The following GET1 variants were observed in gnomAD, a reference collection of about 807,000 sequenced individuals.
GET1 encodes guided entry of tail-anchored proteins factor 1, also known as congenital heart disease 5 protein.
In GET1, 20 loss-of-function variants were observed where a neutral mutation model predicts 22.6. The ratio of observed to expected loss-of-function variants is 0.89; its 90% confidence interval spans 0.62 to 1.29. The LOEUF (loss-of-function observed/expected upper bound fraction) is 1.29. Ranked by LOEUF, GET1 falls within the 50% of genes most tolerant of loss-of-function variation. The probability of loss-of-function intolerance (pLI) is 0.00; values close to 1 mark genes in which losing one functional copy is unlikely to be tolerated. For missense variants in GET1, 209 were observed against 219.9 expected (o/e 0.95, Z 0.31); for synonymous variants, 92 against 83.8 (o/e 1.10, Z -0.53).
chr21:39,406,549 T>G (rs2039088733), exon 5 of GET1: 4 of 1,611,380 alleles, frequency 2.5e-6, no homozygotes, highest in Non-Finnish European at 3.4e-6. Flanking sequence ...TTTTTTGTCT[T>G]TTTGTCTTCC....
In GET1 at chr21:39,393,213, G is replaced by A. The variant is rs1422806079; in HGVS notation, c.384G>A (p.Val128=). Reference sequence around the variant, plus strand: ...TTTGGAAGTATTATTCTGTCCCTGTGGCTGTCGTGCCGAGTAAATGGATAA... The same window carrying A: ...TTTGGAAGTATTATTCTGTCCCTGTAGCTGTCGTGCCGAGTAAATGGATAA... ...SLIWKYYSVP[V]AVVPSKWITP... The change falls in exon 4 of 5, where the codon GTG becomes GTA. Residue 128 remains valine (V), a synonymous_variant. Transcript: ENST00000649170. The A allele has an allele frequency of 1.9e-6, 3 of 1,614,102 alleles. No individual in the cohort carries two copies. In the Admixed American group the frequency reaches 5.0e-5, roughly 27 times the overall value.
chr21:39,416,061 A>G (rs2041095747), intron 1 of GET1, among the ~76,000 whole-genome samples: 2 of 152,356 alleles, frequency 1.3e-5, no homozygotes, highest in East Asian at 3.9e-4. Flanking sequence ...AATAGTGACA[A>G]TTCTAATCCT....
At chr21:39,428,462 A>G (rs751731732) in exon 2 of GET1, 5 of 1,608,656 alleles carry the variant, frequency 3.1e-6, no homozygotes, top group African/African-American at 1.3e-5. Flanking sequence ...ATGCTCATCT[A>G]TATTTGTTTT....
chr21:39,381,442 T>C (rs2037550066), intron 1 of GET1, among the ~76,000 whole-genome samples: 1 of 152,214 alleles, frequency 6.6e-6, no homozygotes, highest in South Asian at 2.1e-4. Flanking sequence ...CCAGTATTCA[T>C]TGAGTGCCTG....
downstream of GET1, among the ~76,000 whole-genome samples, chr21:39,401,621 GT>G (rs539372975): frequency 2.0e-3 from 307 of 152,140 alleles, 1 homozygote; most frequent in South Asian, 6.4e-3. Context: ...AGACATGTCT[GT>G]TTTTTTGCGC....
At chr21:39,384,055 T>C (rs1437241610) in intron 1 of GET1, among the ~76,000 whole-genome samples, 1 of 151,298 alleles carries the variant, frequency 6.6e-6, no homozygotes, top group African/African-American at 2.4e-5. Flanking sequence ...TTTTTTTTTG[T>C]AATACTAACC....
chr21:39,408,192 A>G (rs969835428), downstream of GET1, among the ~76,000 whole-genome samples: 21 of 152,366 alleles, frequency 1.4e-4, no homozygotes, highest in African/African-American at 4.8e-4. Context: ...CACATCTTCA[A>G]AATTCCAAAG....
chr21:39,405,322 T>C (rs2038985121), intron 4 of GET1, among the ~76,000 whole-genome samples: 1 of 152,006 alleles, frequency 6.6e-6, no homozygotes, highest in African/African-American at 2.4e-5. Context: ...GCCTCCCAAG[T>C]AGCTGGGACT....
chr21:39,385,847 G>A (rs987685456), intron 1 of GET1, among the ~76,000 whole-genome samples: 14 of 152,134 alleles, frequency 9.2e-5, no homozygotes, highest in African/African-American at 3.1e-4. Context: ...CACGCATACC[G>A]CACACACTGC....
At chr21:39,411,816 CAA>C (rs2040129710) in intron 1 of GET1, 1 of 1,490,250 alleles carries the variant, frequency 6.7e-7, no homozygotes, top group Admixed American at 2.0e-5. Context: ...AAAAGAACCA[CAA>C]AACCAATTTT....
chr21:39,422,815 C>T, intron 1 of GET1: 3 of 683,562 alleles, frequency 4.4e-6, no homozygotes, highest in Non-Finnish European at 7.4e-6. Context: ...AAACCACTCC[C>T]TTTCTGTGCC....
At chr21:39,409,926 AT>A (rs1472411326), downstream of GET1, 10 of 1,040,932 alleles carry the variant, frequency 9.6e-6, no homozygotes, top group African/African-American at 1.6e-5. The surrounding 1 kb of genome is among the most constrained non-coding windows in gnomAD (Gnocchi z 4.2). Flanking sequence ...ACATATAGTA[AT>A]TCACAATTTT....
exon 5 of GET1, chr21:39,406,544 T>G (rs2039087753): frequency 6.2e-7 from 1 of 1,611,336 alleles, no homozygotes; most frequent in Admixed American, 1.7e-5. Context: ...TCTTCTTTTT[T>G]GTCTTTTTGT....
intron 1 of GET1, chr21:39,423,555 G>C (rs2074098134): frequency 7.3e-7 from 1 of 1,376,940 alleles, no homozygotes; most frequent in African/African-American, 1.4e-5. Context: ...ATGCACATAT[G>C]CATAATCTCT....
intron 1 of GET1, among the ~76,000 whole-genome samples, chr21:39,414,734 C>CTGTGTGTGTGTGTGTGTGTGTGTGTG (rs1446676855): frequency 9.7e-6 from 1 of 103,162 alleles, no homozygotes; most frequent in African/African-American, 4.1e-5. Context: ...CTCTCTCTCT[C>CTGTGTGTGTGTGTGTGTGTGTGTGTG]TCTCTCTCTG....
intron 1 of GET1, among the ~76,000 whole-genome samples, chr21:39,416,964 G>A (rs1441069983): frequency 6.6e-6 from 1 of 152,146 alleles, no homozygotes; most frequent in East Asian, 1.9e-4. Flanking sequence ...TCTGCATCCC[G>A]CGGTTACAAA....
At chr21:39,392,931 G>A (rs567349705) in intron 3 of GET1, 18 of 485,954 alleles carry the variant, frequency 3.7e-5, no homozygotes, top group African/African-American at 3.1e-4. Flanking sequence ...TGTTGGCAGT[G>A]TTCAGACATG....
chr21:39,382,252 A>G (rs2037599913), intron 1 of GET1, among the ~76,000 whole-genome samples: 1 of 149,642 alleles, frequency 6.7e-6, no homozygotes, highest in Non-Finnish European at 1.5e-5. Context: ...ACGGGGTCTC[A>G]CTATGTTGCC....
At chr21:39,400,757 T>C (rs1226068165), downstream of GET1, among the ~76,000 whole-genome samples, 1 of 152,172 alleles carries the variant, frequency 6.6e-6, no homozygotes, top group African/African-American at 2.4e-5. Flanking sequence ...CTAATGCGTA[T>C]CAATCTATTG....
Sources: allele counts gnomAD v4.1 joint callset (sites outside exome capture counted in the v4.1 genomes callset), GRCh38; gene constraint gnomAD v4.1.1; non-coding constraint Gnocchi (gnomAD v3.1); transcripts MANE v1.5; gene names NCBI Gene and HGNC (gene_info 2026-07-23, HGNC 2026-07-21).